Variants in SERAC1 observed in about 807,000 individuals in gnomAD.
SERAC1 encodes protein SERAC1.
Under a neutral mutation model 85.7 loss-of-function variants are expected in SERAC1, and 36 were observed. The observed-to-expected ratio is 0.42, with a 90% confidence interval of 0.32 to 0.55. The LOEUF is 0.55. SERAC1 is among the 20% of genes least tolerant of loss of function. The pLI is 0.11. For synonymous variants in SERAC1, 242 were observed against 265.3 expected, an observed-to-expected ratio of 0.91 and a Z score of 0.85; for missense variants, 629 against 796.2, an observed-to-expected ratio of 0.79 and a Z score of 2.53.
At chr6:158,113,626 T>G in intron 15 of SERAC1, 34 bp from the exon 16 acceptor site, 1 of 1,558,218 alleles carries the variant, frequency 6.4e-7, no homozygotes, top group Non-Finnish European at 8.7e-7. Context: ...CTGTGACAAG[T>G]TGTTTACCCA....
intron 3 of SERAC1, among the ~76,000 whole-genome samples, chr6:158,152,388 C>T (rs890333768): frequency 1.2e-4 from 19 of 152,024 alleles, no homozygotes; most frequent in African/African-American, 4.6e-4. Context: ...TGGTGGCGGG[C>T]GCCTGTAATC....
chr6:158,150,061 A>G (rs997147348), intron 4 of SERAC1, among the ~76,000 whole-genome samples: 1 of 152,218 alleles, frequency 6.6e-6, no homozygotes, highest in African/African-American at 2.4e-5. Flanking sequence ...ATTCATATTT[A>G]TGAATATATC....
At chr6:158,150,707 T>C (rs555344338) in intron 3 of SERAC1, 118 bp from the exon 4 acceptor site, 1 of 718,490 alleles carries the variant, frequency 1.4e-6, no homozygotes, top group East Asian at 2.5e-5. Flanking sequence ...ACATAACATG[T>C]ATACAGTAAT....
At chr6:158,160,834 T>G (rs947125126) in intron 1 of SERAC1, 5 of 152,220 alleles carry the variant, frequency 3.3e-5, no homozygotes. Context: ...TTGTCTAGTA[T>G]TTTAATTCCA....
chr6:158,147,402 T>A (rs1404813278), intron 5 of SERAC1, among the ~76,000 whole-genome samples: 3 of 151,874 alleles, frequency 2.0e-5, no homozygotes, highest in Non-Finnish European at 4.4e-5. Flanking sequence ...TCATATGTGG[T>A]CATTTTTAAA....
intron 10 of SERAC1, among the ~76,000 whole-genome samples, chr6:158,127,372 G>C (rs1483799168): frequency 1.4e-4 from 8 of 57,854 alleles, no homozygotes; most frequent in Non-Finnish European, 2.2e-4. Flanking sequence ...GGAGGGAGGT[G>C]GGGGGGTCAG....
chr6:158,150,694 G>A (rs887258212), intron 3 of SERAC1, 105 bp from the exon 4 acceptor site: 3 of 797,724 alleles, frequency 3.8e-6, no homozygotes, highest in Admixed American at 4.4e-5. Context: ...TTTTTGTTGG[G>A]AAACATAACA....
chr6:158,137,100 G>C (rs1397436064), intron 8 of SERAC1, among the ~76,000 whole-genome samples: 1 of 151,624 alleles, frequency 6.6e-6, no homozygotes, highest in Non-Finnish European at 1.5e-5. Context: ...GGAGCTTGCA[G>C]TGAGCCGAGA....
intron 2 of SERAC1, among the ~76,000 whole-genome samples, chr6:158,157,335 T>C (rs1447755688): frequency 1.3e-5 from 2 of 152,162 alleles, no homozygotes; most frequent in African/African-American, 2.4e-5. Flanking sequence ...GACAGTCCTT[T>C]GTTCAGAGCT....
At chr6:158,149,375 A>G (rs1235574702) in intron 4 of SERAC1, among the ~76,000 whole-genome samples, 1 of 152,270 alleles carries the variant, frequency 6.6e-6, no homozygotes, top group Non-Finnish European at 1.5e-5. Context: ...AAAATACAAA[A>G]TAACACTGTT....
At chr6:158,128,395 T>C in intron 9 of SERAC1, 125 bp from the exon 10 acceptor site, 1 of 782,470 alleles carries the variant, frequency 1.3e-6, no homozygotes, top group Non-Finnish European at 2.0e-6. Flanking sequence ...GGGAGACTCC[T>C]CAAAGCTCTT....
chr6:158,139,442 G>A (rs1562447725), intron 8 of SERAC1, among the ~76,000 whole-genome samples: 1 of 152,100 alleles, frequency 6.6e-6, no homozygotes, highest in African/African-American at 2.4e-5. Context: ...TATCTAATAA[G>A]AGATTTGTAT....
intron 9 of SERAC1, among the ~76,000 whole-genome samples, chr6:158,128,515 C>A (rs1409097756): frequency 1.3e-5 from 2 of 152,216 alleles, no homozygotes; most frequent in African/African-American, 4.8e-5. Context: ...AATCATTATT[C>A]TCATTCTGCT....
At chr6:158,150,008 T>A (rs1785165850) in intron 4 of SERAC1, among the ~76,000 whole-genome samples, 6 of 152,142 alleles carry the variant, frequency 3.9e-5, no homozygotes, top group Admixed American at 3.9e-4. Flanking sequence ...TAAAGACAGG[T>A]TTTCTAGCCT....
intron 2 of SERAC1, among the ~76,000 whole-genome samples, chr6:158,157,641 A>G (rs536668458): frequency 7.9e-5 from 12 of 152,344 alleles, no homozygotes; most frequent in African/African-American, 2.9e-4. Flanking sequence ...TAATGCTCAG[A>G]AAAGGTAAGT....
chr6:158,161,816 ACT>A (rs1785494559), intron 1 of SERAC1: 1 of 151,656 alleles, frequency 6.6e-6, no homozygotes, highest in Non-Finnish European at 1.5e-5. Flanking sequence ...TGCTTCCCTT[ACT>A]CTAAATCTCC....
intron 5 of SERAC1, 27 bp downstream of exon 5, chr6:158,148,838 A>T: frequency 6.7e-7 from 1 of 1,489,440 alleles, no homozygotes; most frequent in South Asian, 1.2e-5. Flanking sequence ...ACTGATAAGG[A>T]TTCCAAGTCA....
chr6:158,131,197 A>G (rs1784663578), intron 8 of SERAC1, among the ~76,000 whole-genome samples: 1 of 151,102 alleles, frequency 6.6e-6, no homozygotes, highest in Non-Finnish European at 1.5e-5. Context: ...CAGTGACAAA[A>G]AATACCAACA....
chr6:158,158,343 G>A lies in SERAC1; in HGVS notation c.21C>T (p.Cys7=), dbSNP rs139301835. ...TTCCTATTCTTCTGCAACAGATGAC[G>A]CAATAAGCAGCCAGGGACATTCTGT... MSLAAY[C]VICCRRIGTS... is the part of the protein sequence containing the mutation. Residue 7 remains cysteine, a synonymous_variant, in exon 2 of 17, where the codon TGC becomes TGT. Transcript: ENST00000647468. The A allele has an allele frequency of 3.1e-5, 50 of 1,613,318 alleles. No homozygotes were observed. Among genetic ancestry groups the A allele is most frequent in the African/African-American group, 2.8e-4 (21 of 74,974 alleles).
Sources: gnomAD v4.1 joint callset for allele counts (sites outside exome capture counted in the v4.1 genomes callset) on GRCh38, gnomAD v4.1.1 for gene constraint, MANE v1.5 for transcripts, NCBI Gene and HGNC (gene_info 2026-07-23, HGNC 2026-07-21) for gene names.